The following RAB11FIP4 variants were observed in gnomAD, a reference collection of about 807,000 sequenced individuals.
RAB11FIP4 encodes rab11 family-interacting protein 4.
In RAB11FIP4, 23 loss-of-function variants were observed where a neutral mutation model predicts 74.3. The ratio of observed to expected loss-of-function variants is 0.31; its 90% confidence interval spans 0.22 to 0.44. The LOEUF is 0.44. RAB11FIP4 is among the 20% of genes least tolerant of loss of function. The pLI, the probability that RAB11FIP4 is intolerant of heterozygous loss-of-function variation, is 1.00. For missense variants in RAB11FIP4, 630 were observed against 863.9 expected, an observed-to-expected ratio of 0.73 and a Z score of 3.39; for synonymous variants, 360 against 359.9, an observed-to-expected ratio of 1.00 and a Z score of 0.00.
chr17:31,431,859 T>G lies in RAB11FIP4; in HGVS notation c.206T>G (p.Ile69Ser), dbSNP rs1163740102. 6.2e-7 allele frequency: 1 copy of G among 1,612,944 alleles called. No homozygotes were observed. Among genetic ancestry groups the G allele is most frequent in the Admixed American group, 1.7e-5 (1 of 59,832 alleles). The change falls in exon 2 of 15, where the codon ATC becomes AGC. Residue 69 changes from isoleucine (I) to serine (S), a missense_variant. Ile to Ser is a moderately radical substitution (Grantham distance 142). Coordinates refer to ENST00000621161, the MANE Select transcript of RAB11FIP4 (RefSeq NM_032932.6). ...KYLDPNDLGRINFKDFCRGVF... is the reference protein window; with the variant it reads ...KYLDPNDLGRSNFKDFCRGVF... Reference sequence around the variant, plus strand: ...TTGGATCCCAACGACCTGGGGAGAATCAACTTCAAGGACTTTTGCCGGGGG... The same window carrying G: ...TTGGATCCCAACGACCTGGGGAGAAGCAACTTCAAGGACTTTTGCCGGGGG...
intron 3 of RAB11FIP4, among the ~76,000 whole-genome samples, chr17:31,445,565 TA>T (rs2071450596): frequency 1.6e-4 from 2 of 12,422 alleles, no homozygotes; most frequent in Non-Finnish European, 2.9e-4. Context: ...TATATATATA[TA>T]TATATATATA....
In RAB11FIP4 at chr17:31,434,029, C is replaced by T. The variant is rs533074941; in HGVS notation, c.248-5C>T. On this transcript the variant is annotated splice_polypyrimidine_tract_variant and splice_region_variant and intron_variant, in intron 2 of 14. Transcript: ENST00000621161. ...ACTGTCCCGTGTGTCTGCCTGTCTG[C>T]GCAGGGTGCGAGGAGCTGCTGAAGG... 17 of 1,577,696 alleles carry T rather than the reference C, an allele frequency of 1.1e-5. No individual in the cohort carries two copies. The highest frequency in any genetic ancestry group is 3.7e-5 in the Admixed American group (2 of 54,454).
chr17:31,435,048 T>A (rs898811151), intron 3 of RAB11FIP4, among the ~76,000 whole-genome samples: 1 of 152,170 alleles, frequency 6.6e-6, no homozygotes, highest in Non-Finnish European at 1.5e-5. Flanking sequence ...TAGCTGGATG[T>A]GGTGGTGCAC....
intron 1 of RAB11FIP4, among the ~76,000 whole-genome samples, chr17:31,413,199 C>T (rs528307704): frequency 1.5e-4 from 23 of 152,160 alleles, no homozygotes; most frequent in Admixed American, 4.6e-4. Flanking sequence ...TCGGATGGGG[C>T]GGGATAGATG....
chr17:31,488,187 G>T, intron 3 of RAB11FIP4: 1 of 1,085,998 alleles, frequency 9.2e-7, no homozygotes. Flanking sequence ...GCGTCCCCGC[G>T]CGCCGCCGAC....
At chr17:31,484,793 G>C (rs1390342739) in intron 3 of RAB11FIP4, among the ~76,000 whole-genome samples, 3 of 152,120 alleles carry the variant, frequency 2.0e-5, no homozygotes, top group Admixed American at 2.0e-4. Flanking sequence ...ACTGTTTATT[G>C]GTTACCTGCT....
Position 31,429,102 on chromosome 17 carries a change from T to C in RAB11FIP4, c.160-2711T>C, listed in dbSNP as rs1159928021. Among the ~76,000 whole-genome samples, 4 of 152,092 alleles carry C rather than the reference T, an allele frequency of 2.6e-5. No homozygotes were observed. In the East Asian group the frequency reaches 7.7e-4, roughly 29 times the overall value. On this transcript the variant is annotated intron_variant, in intron 1 of 14. Transcript: ENST00000621161. ...GAGGTTCTCCTGACCTTGGAGAGGA[T>C]TGTAGGTGTGAGCAAAAACAAATAT...
At chr17:31,447,469 T>A (rs1438756223) in intron 3 of RAB11FIP4, among the ~76,000 whole-genome samples, 2 of 152,192 alleles carry the variant, frequency 1.3e-5, no homozygotes, top group East Asian at 1.9e-4. Flanking sequence ...TCTCAAAAAA[T>A]AAAGTAAAAT....
chr17:31,446,573 G>T (rs1345500260), intron 3 of RAB11FIP4, among the ~76,000 whole-genome samples: 1 of 152,030 alleles, frequency 6.6e-6, no homozygotes, highest in African/African-American at 2.4e-5. Context: ...CATCCTCTTT[G>T]GGCTGAGATT....
intron 1 of RAB11FIP4, among the ~76,000 whole-genome samples, chr17:31,417,776 G>A (rs2071162194): frequency 6.6e-6 from 1 of 152,178 alleles, no homozygotes; most frequent in African/African-American, 2.4e-5. Flanking sequence ...GGGGGAATAT[G>A]GGACCTGTAT....
rs956382876 is a variant in RAB11FIP4, at chr17:31,434,461, C to T, written c.336+339C>T. ...CTGCACCATCGCTCTCTGAGCTGAA[C>T]GCTTCCTGTTTGTTTGTTTTCAAAC... On this transcript the variant is annotated intron_variant, in intron 3 of 14. Coordinates refer to ENST00000621161, the MANE Select transcript of RAB11FIP4 (RefSeq NM_032932.6). Among the ~76,000 whole-genome samples, 11 of 152,262 alleles carry T rather than the reference C, an allele frequency of 7.2e-5. No individual in the cohort carries two copies. In the South Asian group the frequency reaches 1.4e-3, roughly 20 times the overall value.
chr17:31,521,427 G>C (rs1567690415), intron 5 of RAB11FIP4, 67 bp downstream of exon 5: 5 of 1,398,860 alleles, frequency 3.6e-6, no homozygotes, highest in Middle Eastern at 1.9e-4. Context: ...CACATCCTAG[G>C]GGGTGGGGGG....
At position 31,432,356 on chromosome 17, in the gene RAB11FIP4, CT is replaced by C. The variant is rs749879395; in HGVS notation, c.247+473del. Among the ~76,000 whole-genome samples the C allele has an allele frequency of 4.2e-3, 581 of 139,478 alleles. 1 individual carries two copies. Among genetic ancestry groups the C allele is most frequent in the East Asian group, 0.034 (165 of 4,844 alleles). The allele number at this position is 139,478 out of a possible 152,430, so 91.5% of individuals were successfully genotyped here. On this transcript the variant is annotated intron_variant, in intron 2 of 14. Coordinates refer to ENST00000621161, the MANE Select transcript of RAB11FIP4 (RefSeq NM_032932.6). ...TGTGTCCTCCCTGCTCCCGCCTCCTCTTTTTTTTTTTTTTTTTGAGACAGGG... is the reference window on the plus strand; with the variant it reads ...TGTGTCCTCCCTGCTCCCGCCTCCTCTTTTTTTTTTTTTTTTGAGACAGGG...
At chr17:31,516,663 T>C (rs867548817) in intron 3 of RAB11FIP4, among the ~76,000 whole-genome samples, 1 of 152,028 alleles carries the variant, frequency 6.6e-6, no homozygotes, top group South Asian at 2.1e-4. Context: ...AGAGACGGGG[T>C]TTCACCGTAT....
At chr17:31,431,519 C>T (rs554679874) in intron 1 of RAB11FIP4, 19 of 316,960 alleles carry the variant, frequency 6.0e-5, no homozygotes, top group Middle Eastern at 8.9e-4. Context: ...GGCAGAGCCT[C>T]GGCTTTCATT....
intron 3 of RAB11FIP4, among the ~76,000 whole-genome samples, chr17:31,456,541 A>G (rs1276299890): frequency 6.6e-6 from 1 of 152,202 alleles, no homozygotes; most frequent in Admixed American, 6.5e-5. Context: ...GTACCAGAAA[A>G]GAAGTCCTTC....
chr17:31,440,470 G>A (rs1340669103), intron 3 of RAB11FIP4, among the ~76,000 whole-genome samples: 1 of 152,088 alleles, frequency 6.6e-6, no homozygotes, highest in Non-Finnish European at 1.5e-5. Flanking sequence ...ATCCTTCTTT[G>A]TTTCTTTAAC....
chr17:31,443,545 C>T (rs1349721266), intron 3 of RAB11FIP4, among the ~76,000 whole-genome samples: 1 of 152,172 alleles, frequency 6.6e-6, no homozygotes. Context: ...TCCTCTTGCC[C>T]TCCCTCACCT....
At chr17:31,432,480 TC>T (rs2071320413) in intron 2 of RAB11FIP4, among the ~76,000 whole-genome samples, 2 of 151,564 alleles carry the variant, frequency 1.3e-5, no homozygotes, top group Admixed American at 6.6e-5. Flanking sequence ...TGCCTCAGCC[TC>T]CTGAGTAGCT....
Sources: gnomAD v4.1 joint callset for allele counts (sites outside exome capture counted in the v4.1 genomes callset) on GRCh38, gnomAD v4.1.1 for gene constraint, MANE v1.5 for transcripts, NCBI Gene and HGNC (gene_info 2026-07-23, HGNC 2026-07-21) for gene names.